DCC: variants seen among roughly 807,000 people sequenced by gnomAD.
DCC encodes the protein DCC netrin 1 receptor, also known as netrin receptor DCC.
A neutral mutation model predicts 172.5 loss-of-function variants in DCC; 58 were observed. That is an observed-to-expected ratio of 0.34 (90% CI 0.27 to 0.42). DCC has a LOEUF of 0.42. Among genes scored for constraint, DCC ranks in the 10% least tolerant of loss-of-function variants. DCC has a pLI of 1.00. For missense variants in DCC, 1,740 were observed against 1,791.0 expected (o/e 0.97, Z 0.51); for synonymous variants, 709 against 644.5 (o/e 1.10, Z -1.52).
At chr18:53,520,577 C>G (rs1010057353) in intron 27 of DCC, among the ~76,000 whole-genome samples, 1 of 151,912 alleles carries the variant, frequency 6.6e-6, no homozygotes, top group Non-Finnish European at 1.5e-5. Flanking sequence ...GAGCTACAAG[C>G]ACTTAAGGAA....
At chr18:52,954,328 G>T (rs1490094446) in intron 5 of DCC, among the ~76,000 whole-genome samples, 2 of 151,858 alleles carry the variant, frequency 1.3e-5, no homozygotes, top group African/African-American at 4.8e-5. Flanking sequence ...TTTTGGAGAT[G>T]AAATAATCAT....
chr18:53,377,614 G>A (rs546001626), intron 15 of DCC, among the ~76,000 whole-genome samples: 2 of 152,278 alleles, frequency 1.3e-5, no homozygotes, highest in Non-Finnish European at 2.9e-5. Flanking sequence ...CCTATAAAAA[G>A]AGGACACTCA....
At position 53,111,065 on chromosome 18, in the gene DCC, A is replaced by G. The variant is rs375818937; in HGVS notation, c.1261+44899A>G. ...ACATATACACCATGGAATACTATGC[A>G]GCCATAAAAAATGATGAGTTCATGT... is the stretch of plus-strand genomic sequence containing the variant. On this transcript the variant is annotated intron_variant, in intron 7 of 28. Transcript: ENST00000442544. 5.5e-3 allele frequency among the ~76,000 whole-genome samples: 817 copies of G among 147,942 alleles called. 6 individuals are homozygous for G. The highest frequency in any genetic ancestry group is 0.022 in the Admixed American group (322 of 14,776).
chr18:53,410,495 T>A lies in DCC; in HGVS notation c.2979T>A (p.Asp993Glu). Residue 993 changes from aspartate to glutamate, a missense_variant, in exon 20 of 29, where the codon GAT (aspartate) becomes GAA (glutamate). Asp to Glu is a conservative substitution (Grantham distance 45, BLOSUM62 2). Coordinates refer to ENST00000442544, the MANE Select transcript of DCC (RefSeq NM_005215.4). The stretch of plus-strand genomic sequence containing the variant: ...CCTTGGACAAGAACATCCCAATTGA[T>A]GACTGGATTATGGAAACAATCAGTG... The part of the protein sequence containing the change: ...FYTLDKNIPI[D>E]DWIMETISGD... 1 of 1,610,456 alleles carries A rather than the reference T, an allele frequency of 6.2e-7. No homozygotes were observed. Among genetic ancestry groups the A allele is most frequent in the Non-Finnish European group, 8.5e-7 (1 of 1,176,690 alleles).
chr18:52,772,495 G>A (rs2037361142), intron 2 of DCC, among the ~76,000 whole-genome samples: 2 of 152,192 alleles, frequency 1.3e-5, no homozygotes, highest in Non-Finnish European at 1.5e-5. Context: ...CCCTCTGGCT[G>A]ACAGTTAATG....
intron 12 of DCC, among the ~76,000 whole-genome samples, chr18:53,265,022 T>G (rs2056656495): frequency 6.6e-6 from 1 of 152,222 alleles, no homozygotes; most frequent in Non-Finnish European, 1.5e-5. Flanking sequence ...ATGCCCAGTA[T>G]GTGCCCAGAA....
chr18:53,406,868 A>T (rs1241464605), intron 19 of DCC, among the ~76,000 whole-genome samples: 1 of 152,078 alleles, frequency 6.6e-6, no homozygotes, highest in African/African-American at 2.4e-5. Flanking sequence ...ACACATCCCA[A>T]TGAAGTTGCT....
At chr18:53,119,952 T>C (rs1026833173) in intron 7 of DCC, among the ~76,000 whole-genome samples, 1 of 151,912 alleles carries the variant, frequency 6.6e-6, no homozygotes, top group Admixed American at 6.6e-5. Flanking sequence ...AACAATCTGA[T>C]GTTATATAAA....
chr18:52,590,158 GGTGTGT>G lies in DCC; in HGVS notation c.92-161877_92-161872del, dbSNP rs4041438. ...TCCACTGGTGTGCCTTGGTATAAAT[GGTGTGT>G]GTGTGTGTGTGTGTGTGTATGCAAT... On this transcript the variant is annotated intron_variant, in intron 1 of 28. Coordinates refer to ENST00000442544, the MANE Select transcript of DCC (RefSeq NM_005215.4). 1.3e-4 allele frequency among the ~76,000 whole-genome samples: 20 copies of G among 149,032 alleles called. No homozygotes were observed. The South Asian group carries it at 2.2e-3, about 16-fold the overall frequency.
chr18:53,312,725 C>CG (rs1417608267), intron 13 of DCC, among the ~76,000 whole-genome samples: 1 of 141,132 alleles, frequency 7.1e-6, no homozygotes, highest in Non-Finnish European at 1.5e-5. Context: ...GGGAGAATGG[C>CG]TTGAACCGGG....
intron 22 of DCC, among the ~76,000 whole-genome samples, chr18:53,446,412 T>C (rs1279391346): frequency 6.6e-6 from 1 of 152,110 alleles, no homozygotes; most frequent in Admixed American, 6.6e-5. Flanking sequence ...CTATAGGATA[T>C]TTGCAAGTCT....
chr18:52,753,165 G>A (rs919880199), intron 2 of DCC, among the ~76,000 whole-genome samples: 17 of 152,002 alleles, frequency 1.1e-4, no homozygotes, highest in African/African-American at 4.1e-4. Context: ...GTATCATATG[G>A]TAATTCTAAT....
At chr18:53,279,014 T>G (rs981778861) in intron 12 of DCC, among the ~76,000 whole-genome samples, 42 of 152,282 alleles carry the variant, frequency 2.8e-4, no homozygotes, top group Non-Finnish European at 3.4e-4. Context: ...TTGAACTAGT[T>G]TACAGTCCCA....
intron 1 of DCC, among the ~76,000 whole-genome samples, chr18:52,468,133 A>T (rs528654733): frequency 6.6e-6 from 1 of 152,344 alleles, no homozygotes; most frequent in African/African-American, 2.4e-5. Flanking sequence ...GGGTACAGAT[A>T]TGAGGAAGAA....
chr18:53,084,544 C>T (rs1485040519), intron 7 of DCC, among the ~76,000 whole-genome samples: 1 of 152,176 alleles, frequency 6.6e-6, no homozygotes, highest in Non-Finnish European at 1.5e-5. Flanking sequence ...ATACCTCAGC[C>T]AGTTGCTCCT....
chr18:53,431,648 C>T (rs1911627526), intron 21 of DCC, among the ~76,000 whole-genome samples: 1 of 152,030 alleles, frequency 6.6e-6, no homozygotes. Flanking sequence ...CCGTGCTCTG[C>T]TAATTTTCGT....
chr18:53,315,943 T>A (rs1052201373), intron 13 of DCC, among the ~76,000 whole-genome samples: 2 of 152,202 alleles, frequency 1.3e-5, no homozygotes, highest in Non-Finnish European at 2.9e-5. Context: ...TAATACTTTC[T>A]TTTGCTGTGC....
intron 2 of DCC, among the ~76,000 whole-genome samples, chr18:52,780,125 T>C (rs1180932306): frequency 6.6e-6 from 1 of 152,166 alleles, no homozygotes; most frequent in African/African-American, 2.4e-5. Context: ...TTCTGCAGGT[T>C]CATTTCTAGT....
chr18:53,012,768 A>G (rs917975938), intron 5 of DCC, among the ~76,000 whole-genome samples: 4 of 152,144 alleles, frequency 2.6e-5, no homozygotes, highest in African/African-American at 9.7e-5. Context: ...CATAAAATAC[A>G]TAAAGACCTT....
Sources: allele counts gnomAD v4.1 joint callset (sites outside exome capture counted in the v4.1 genomes callset), GRCh38; gene constraint gnomAD v4.1.1; transcripts MANE v1.5; gene names NCBI Gene and HGNC (gene_info 2026-07-23, HGNC 2026-07-21).